The following BTN2A1 variants were observed in gnomAD, a reference collection of about 807,000 sequenced individuals.
BTN2A1 encodes butyrophilin subfamily 2 member A1.
Under a neutral mutation model 34.5 loss-of-function variants are expected in BTN2A1, and 41 were observed. The ratio of observed to expected loss-of-function variants is 1.19; its 90% CI spans 0.93 to 1.54. BTN2A1 has a LOEUF of 1.54. Among genes scored for constraint, BTN2A1 ranks in the 40% most tolerant of loss-of-function variants. BTN2A1 has a pLI of 0.00. For missense variants in BTN2A1, 642 were observed against 662.0 expected (o/e 0.97, Z 0.33); for synonymous variants, 267 against 258.6 (o/e 1.03, Z -0.31).
chr6:26,458,881 A>C (rs1763083578), intron 2 of BTN2A1, among the ~76,000 whole-genome samples, 163 bp downstream of exon 2: 1 of 152,240 alleles, frequency 6.6e-6, no homozygotes, highest in Non-Finnish European at 1.5e-5. Flanking sequence ...GAATACAGTG[A>C]GGCACAAAGG....
At chr6:26,476,240 G>T in exon 8 of BTN2A1, 1 of 1,440,364 alleles carries the variant, frequency 6.9e-7, no homozygotes, top group South Asian at 1.2e-5. Context: ...AGATGCAAAT[G>T]ACCAGAGCAC....
intron 4 of BTN2A1, 85 bp downstream of exon 4, chr6:26,463,610 C>A: frequency 6.8e-7 from 1 of 1,477,032 alleles, no homozygotes; most frequent in Non-Finnish European, 9.3e-7. Context: ...ATGGGGGCAG[C>A]AGTGTGGGTG....
Position 26,465,373 on chromosome 6 carries a change from C to T in BTN2A1, c.901C>T (p.Arg301Cys), listed in dbSNP as rs748376681. ...TGCTCTAAAGGAACTGGAGAAAGAA[C>T]GTGTGCAAAAAGAGGAAGAACTTCA... ...EIALKELEKE[R>C]VQKEEELQVK... Residue 301 changes from arginine (R) to cysteine (C), a missense_variant, in exon 5 of 8, where the codon CGT becomes TGT. Arg to Cys is a radical substitution (Grantham distance 180). Transcript: ENST00000312541. 6.4e-5 allele frequency: 103 copies of T among 1,613,764 alleles called. No homozygotes were observed. The highest frequency in any genetic ancestry group is 2.9e-4 in the East Asian group (13 of 44,888).
At chr6:26,458,827 A>G (rs1470169643) in intron 2 of BTN2A1, 109 bp downstream of exon 2, 16 of 1,365,306 alleles carry the variant, frequency 1.2e-5, no homozygotes, top group Admixed American at 1.8e-5. Flanking sequence ...TTACCCTTTC[A>G]TTCTGAACAT....
chr6:26,475,506 G>T (rs1223256918), intron 7 of BTN2A1, among the ~76,000 whole-genome samples: 1 of 152,124 alleles, frequency 6.6e-6, no homozygotes, highest in Non-Finnish European at 1.5e-5. Flanking sequence ...TTCACTTAAG[G>T]ATTTTTTCCT....
downstream of BTN2A1, among the ~76,000 whole-genome samples, chr6:26,469,912 C>T (rs1763419374): frequency 6.6e-6 from 1 of 152,064 alleles, no homozygotes; most frequent in African/African-American, 2.4e-5. Context: ...GGTGTGGTAG[C>T]GCACGCCTGT....
rs568711992 is a variant in BTN2A1, at chr6:26,465,379, C to T, written c.907C>T (p.Gln303Ter). The T allele has an allele frequency of 5.6e-6, 9 of 1,613,604 alleles. No individual in the cohort carries two copies. In the Admixed American group the frequency reaches 1.3e-4, roughly 24 times the overall value. ...ALKELEKERV[Q>*]KEEELQVKEK... Reference sequence around the variant, plus strand: ...AAAGGAACTGGAGAAAGAACGTGTGCAAAAAGAGGAAGAACTTCAAGTAAA... The same window carrying T: ...AAAGGAACTGGAGAAAGAACGTGTGTAAAAAGAGGAAGAACTTCAAGTAAA... Residue 303 changes from glutamine to a stop codon, truncating the protein, a stop_gained, in exon 5 of 8, where the codon CAA becomes TAA. Transcript: ENST00000312541. LOFTEE classifies it high-confidence loss of function.
rs367614363 is a variant in BTN2A1 at position 26,466,882 on chromosome 6, A to G, written c.982+794A>G. Among the ~76,000 whole-genome samples, 13 of 152,344 alleles carry G rather than the reference A, an allele frequency of 8.5e-5. No individual in the cohort carries two copies. The East Asian group carries it at 2.5e-3, about 29-fold the overall frequency. On this transcript the variant is annotated intron_variant, in intron 7 of 7. Transcript: ENST00000312541. The stretch of plus-strand genomic sequence containing the variant: ...TAGAAAAGTAGACTGAATAAGTAAG[A>G]ATAAATACAGATGGGAGAGGTCTGC...
intron 3 of BTN2A1, 107 bp downstream of exon 3, chr6:26,459,935 C>G: frequency 1.1e-6 from 1 of 899,222 alleles, no homozygotes; most frequent in Non-Finnish European, 1.7e-6. Flanking sequence ...TGTCTGGACT[C>G]CCTTTTCCAC....
chr6:26,470,607 T>C (rs1461696632), downstream of BTN2A1, among the ~76,000 whole-genome samples: 2 of 152,146 alleles, frequency 1.3e-5, no homozygotes, highest in East Asian at 3.9e-4. Context: ...GCCATCAATA[T>C]CTTTGGGCAC....
chr6:26,475,798 T>C (rs1366747200), intron 7 of BTN2A1, among the ~76,000 whole-genome samples: 2 of 151,830 alleles, frequency 1.3e-5, no homozygotes, highest in Non-Finnish European at 2.9e-5. Context: ...TGTACTGGAT[T>C]GAGGGGAAAA....
At chr6:26,470,546 G>T (rs1297105605), downstream of BTN2A1, among the ~76,000 whole-genome samples, 2 of 152,188 alleles carry the variant, frequency 1.3e-5, no homozygotes, top group African/African-American at 4.8e-5. Flanking sequence ...CTCTGAGGGT[G>T]TTTCCAGGGG....
Position 26,468,731 on chromosome 6 carries a change from G to T in BTN2A1, c.*182G>T. On this transcript the variant is annotated 3_prime_UTR_variant, in exon 8 of 8. Coordinates refer to ENST00000312541, the MANE Select transcript of BTN2A1 (RefSeq NM_007049.5). ...CCAGTTTTCTCCTCCTCACTAGGCTGTGTTTTTAGTAGTTCCTTTGCTTGT... is the reference window on the plus strand; with the variant it reads ...CCAGTTTTCTCCTCCTCACTAGGCTTTGTTTTTAGTAGTTCCTTTGCTTGT... 6.2e-7 allele frequency: 1 copy of T among 1,612,250 alleles called. No homozygotes were observed.
At chr6:26,461,405 C>T (rs1763160937) in intron 3 of BTN2A1, among the ~76,000 whole-genome samples, 3 of 152,192 alleles carry the variant, frequency 2.0e-5, no homozygotes, top group South Asian at 2.1e-4. Context: ...TGAAGAATTT[C>T]GTTTTCCAAT....
downstream of BTN2A1, among the ~76,000 whole-genome samples, chr6:26,470,069 C>G (rs540271455): frequency 6.6e-6 from 1 of 152,070 alleles, no homozygotes; most frequent in Non-Finnish European, 1.5e-5. Flanking sequence ...AAACACAGGT[C>G]GGGCACGGTG....
exon 8 of BTN2A1, chr6:26,476,141 A>G (rs1403973448): frequency 6.5e-6 from 10 of 1,536,204 alleles, no homozygotes; most frequent in Non-Finnish European, 8.7e-6. Flanking sequence ...GAAGCTTTAT[A>G]TATCATTTAC....
intron 7 of BTN2A1, 119 bp from the exon 8 acceptor site, chr6:26,467,829 G>T: frequency 6.4e-7 from 1 of 1,557,916 alleles, no homozygotes; most frequent in Non-Finnish European, 8.6e-7. Context: ...AGCCTTCATG[G>T]AAGTGGCCAC....
rs193073660 is a variant in BTN2A1, at chr6:26,460,384, C to T, written c.430+556C>T. On this transcript the variant is annotated intron_variant, in intron 3 of 7. Transcript: ENST00000312541. The stretch of plus-strand genomic sequence containing the variant: ...TTCATCTTTCCCAAAATGCTGATTG[C>T]AGAGAGAGTGACTTATTGTAAATAG... Among the ~76,000 whole-genome samples, 146 of 152,168 alleles carry T rather than the reference C, an allele frequency of 9.6e-4. 2 individuals are homozygous for T. The highest frequency in any genetic ancestry group is 6.8e-3 in the Middle Eastern group (2 of 294).
chr6:26,459,576 G>A lies in BTN2A1; in HGVS notation c.178G>A (p.Glu60Lys), dbSNP rs1341941700. The A allele has an allele frequency of 6.2e-6, 10 of 1,614,080 alleles. No individual in the cohort carries two copies. Among genetic ancestry groups the A allele is most frequent in the Non-Finnish European group, 8.5e-6 (10 of 1,180,006 alleles). Residue 60 changes from glutamate (E) to lysine (K), a missense_variant, in exon 3 of 8, where the codon GAG (glutamate) becomes AAG (lysine). Glu to Lys is a moderately conservative substitution (Grantham distance 56, BLOSUM62 1). Coordinates refer to ENST00000312541, the MANE Select transcript of BTN2A1 (RefSeq NM_007049.5). ...CCATCTGTCACCCGAGAAAAATGCT[G>A]AGGACATGGAGGTGCGGTGGTTCCG... ...RCHLSPEKNA[E>K]DMEVRWFRSQ...
Sources: allele counts gnomAD v4.1 joint callset (sites outside exome capture counted in the v4.1 genomes callset), GRCh38; gene constraint gnomAD v4.1.1; transcripts MANE v1.5; gene names NCBI Gene and HGNC (gene_info 2026-07-23, HGNC 2026-07-21).